HERC2: variants seen among roughly 807,000 people sequenced by gnomAD.
HERC2 encodes the protein HECT and RLD domain containing E3 ubiquitin protein ligase 2.
Under a neutral mutation model 537.7 loss-of-function variants are expected in HERC2, and 102 were observed. The observed-to-expected ratio is 0.19, with a 90% CI of 0.16 to 0.22. The LOEUF (loss-of-function observed/expected upper bound fraction) is 0.22. Among genes scored for constraint, HERC2 ranks in the 10% least tolerant of loss-of-function variants. The probability of loss-of-function intolerance (pLI) is 1.00; values close to 1 mark genes in which losing one functional copy is unlikely to be tolerated. For missense variants in HERC2, 4,236 were observed against 6,198.2 expected, an observed-to-expected ratio of 0.68 and a Z score of 10.63; for synonymous variants, 2,224 against 2,466.2, an observed-to-expected ratio of 0.90 and a Z score of 2.91.
chr15:28,268,755 C>T lies in HERC2; in HGVS notation c.1447-139G>A. 2 of 718,052 alleles carry T rather than the reference C, an allele frequency of 2.8e-6. No individual in the cohort carries two copies. The highest frequency in any genetic ancestry group is 2.7e-5 in the East Asian group (1 of 36,936). The allele number at this position is 718,052 out of a possible 1,614,324, so 44.5% of individuals were successfully genotyped here. On this transcript the variant is annotated intron_variant, in intron 11 of 92. Transcript: ENST00000261609. The surrounding 1 kb of genome is among the most constrained non-coding windows in gnomAD (Gnocchi z 4.7). ...GCATAAGTCTCTGGGAACTACGGGG[C>T]CGGCTCTCCAGCCCTTCCCACCCAG...
chr15:28,216,966 G>A lies in HERC2; in HGVS notation c.6029-1164C>T, dbSNP rs907205457. Among the ~76,000 whole-genome samples, 132 of 152,114 alleles carry A rather than the reference G, an allele frequency of 8.7e-4. 1 individual carries two copies. The highest frequency in any genetic ancestry group is 2.9e-3 in the African/African-American group (120 of 41,494). ...CTCACTTTGCACTCACACCTATACTGTTATAACCTCCCATTCACTGACACA... is the reference window on the plus strand; with the variant it reads ...CTCACTTTGCACTCACACCTATACTATTATAACCTCCCATTCACTGACACA... On this transcript the variant is annotated intron_variant, in intron 38 of 92. Coordinates refer to ENST00000261609, the MANE Select transcript of HERC2 (RefSeq NM_004667.6).
At chr15:28,133,785 C>G (rs771512646) in intron 79 of HERC2, among the ~76,000 whole-genome samples, 3 of 152,218 alleles carry the variant, frequency 2.0e-5, no homozygotes, top group Non-Finnish European at 4.4e-5. Context: ...TTTCCACACT[C>G]ATCTTGTCAG....
rs1241925238 is a variant in HERC2, at chr15:28,213,958, G to A, written c.6570C>T (p.Asp2190=). 1.2e-6 allele frequency: 2 copies of A among 1,613,924 alleles called. No homozygotes were observed. Among genetic ancestry groups the A allele is most frequent in the Admixed American group, 3.3e-5 (2 of 60,000 alleles). The change falls in exon 42 of 93, where the codon GAC becomes GAT. Residue 2190 remains aspartate (D), a synonymous_variant. Transcript: ENST00000261609. ...CAGGGTTCTCGGAGTCGGGGAAGTAGTCCTCTAACTGGGCCTAGTGCAGAC... is the reference window on the plus strand; with the variant it reads ...CAGGGTTCTCGGAGTCGGGGAAGTAATCCTCTAACTGGGCCTAGTGCAGAC... ...GRPSEGAQLE[D]YFPDSENPEV...
intron 83 of HERC2, among the ~76,000 whole-genome samples, chr15:28,129,780 C>T (rs1349076791): frequency 6.3e-5 from 9 of 143,530 alleles, no homozygotes; most frequent in Admixed American, 3.5e-4. Context: ...CCTCTGCCTC[C>T]TTTTTTTTTT....
At chr15:28,143,108 G>A (rs571508179) in intron 74 of HERC2, among the ~76,000 whole-genome samples, 156 bp from the exon 75 acceptor site, 2 of 151,702 alleles carry the variant, frequency 1.3e-5, no homozygotes, top group African/African-American at 4.8e-5. Flanking sequence ...TAGGAAAAAA[G>A]CTAAAAGAAC....
At chr15:28,314,547 T>C (rs1215246231) in intron 2 of HERC2, among the ~76,000 whole-genome samples, 1 of 151,754 alleles carries the variant, frequency 6.6e-6, no homozygotes, top group African/African-American at 2.4e-5. Context: ...TTTTCAATGG[T>C]TGCAACATAA....
In HERC2 at chr15:28,141,762, G is replaced by T. The variant is rs1366639261; in HGVS notation, c.11785C>A (p.Gln3929Lys). Residue 3929 changes from glutamine to lysine, a missense_variant, in exon 77 of 93, where the codon CAA becomes AAA. Gln to Lys is a moderately conservative substitution (Grantham distance 53). Coordinates refer to ENST00000261609, the MANE Select transcript of HERC2 (RefSeq NM_004667.6). ...ATCCACTGCACAAGTTGTTCGTCTT[G>T]CTCTCTTTTAAAAATGTCATGGCTC... Reference protein sequence around the residue: ...HESHDIFKREQDEQLVQWMNR... With the variant: ...HESHDIFKREKDEQLVQWMNR... 2.5e-6 allele frequency: 4 copies of T among 1,614,042 alleles called. No individual in the cohort carries two copies. The highest frequency in any genetic ancestry group is 3.4e-6 in the Non-Finnish European group (4 of 1,179,974).
intron 52 of HERC2, among the ~76,000 whole-genome samples, chr15:28,194,067 C>A (rs1456391568): frequency 6.7e-6 from 1 of 149,416 alleles, no homozygotes; most frequent in Non-Finnish European, 1.5e-5. Context: ...GATCCTTTGA[C>A]CTTTTTTTTT....
At chr15:28,182,550 G>A (rs758141150) in intron 56 of HERC2, 38 bp from the exon 57 acceptor site, 1 of 1,433,788 alleles carries the variant, frequency 7.0e-7, no homozygotes, top group South Asian at 1.2e-5. Flanking sequence ...AGAAAAGAGA[G>A]GTTATTCAGC....
At chr15:28,170,369 A>T (rs1894569585) in intron 65 of HERC2, among the ~76,000 whole-genome samples, 1 of 152,218 alleles carries the variant, frequency 6.6e-6, no homozygotes, top group African/African-American at 2.4e-5. Flanking sequence ...AACCACACAA[A>T]TATGCCTCAC....
At chr15:28,147,548 G>T (rs1270510595) in intron 70 of HERC2, among the ~76,000 whole-genome samples, 6 of 151,972 alleles carry the variant, frequency 3.9e-5, no homozygotes, top group African/African-American at 1.4e-4. Context: ...TAAGGAAGGG[G>T]GATCGCTTGA....
chr15:28,258,898 G>T (rs893633803), intron 16 of HERC2, among the ~76,000 whole-genome samples: 1 of 152,090 alleles, frequency 6.6e-6, no homozygotes, highest in African/African-American at 2.4e-5. Context: ...TGAATGAAGG[G>T]ACATCACCGC....
rs748118238 is a variant in HERC2 at position 28,176,808 on chromosome 15, C to G, written c.9433-40G>C. The G allele has an allele frequency of 1.9e-6, 3 of 1,599,992 alleles. No homozygotes were observed. The South Asian group carries it at 3.3e-5, about 18-fold the overall frequency. ...ATTTAAAAACAGAATCACGCACAGG[C>G]ACGGAGAAAGCAATGGATTTTCCCA... On this transcript the variant is annotated intron_variant, in intron 61 of 92. Transcript: ENST00000261609. The surrounding 1 kb of genome is among the most constrained non-coding windows in gnomAD (Gnocchi z 5.0).
chr15:28,261,090 C>T (rs2140928553), intron 15 of HERC2, 120 bp from the exon 16 acceptor site: 3 of 704,198 alleles, frequency 4.3e-6, no homozygotes, highest in Admixed American at 5.8e-5. Context: ...GGATAATCTG[C>T]TTTGCTTTAA....
chr15:28,196,781 A>G (rs1466547690), intron 50 of HERC2, among the ~76,000 whole-genome samples: 22 of 152,234 alleles, frequency 1.4e-4, no homozygotes, highest in Admixed American at 1.4e-3. Flanking sequence ...GGGAGCATGA[A>G]TAATTTTGGC....
At chr15:28,201,774 A>T (rs1897935917) in intron 47 of HERC2, among the ~76,000 whole-genome samples, 1 of 152,206 alleles carries the variant, frequency 6.6e-6, no homozygotes, top group South Asian at 2.1e-4. Flanking sequence ...GGCACTTCCA[A>T]ATTAATCCTA....
intron 4 of HERC2, among the ~76,000 whole-genome samples, chr15:28,281,891 C>A (rs1451144512): frequency 6.6e-6 from 1 of 152,034 alleles, no homozygotes; most frequent in East Asian, 1.9e-4. Context: ...AATAATACAT[C>A]TCCCTTCTGC....
rs2075243217 is a variant in HERC2, at chr15:28,255,884, A to G, written c.2859T>C (p.Thr953=). The change falls in exon 19 of 93, where the codon ACT becomes ACC. Residue 953 remains threonine (T), a synonymous_variant. Coordinates refer to ENST00000261609, the MANE Select transcript of HERC2 (RefSeq NM_004667.6). Reference sequence around the variant, plus strand: ...TCCAAAGCCATACCTGGATCTCTGCAGTAATGGCTGCGTGTAAGGCTGACT... The same window carrying G: ...TCCAAAGCCATACCTGGATCTCTGCGGTAATGGCTGCGTGTAAGGCTGACT... The part of the protein sequence containing the change: ...GLESALHAAI[T]AEIQDIEAKK... 6.2e-7 allele frequency: 1 copy of G among 1,600,060 alleles called. No individual in the cohort carries two copies. Among genetic ancestry groups the G allele is most frequent in the East Asian group, 2.2e-5 (1 of 44,890 alleles).
In HERC2 at chr15:28,186,606, CTCT is replaced by C. The variant is rs1268679990; in HGVS notation, c.8793_8795del (p.Glu2934del). The C allele has an allele frequency of 1.1e-5, 18 of 1,613,958 alleles. No homozygotes were observed. The highest frequency in any genetic ancestry group is 1.5e-5 in the Non-Finnish European group (18 of 1,179,992). ...CGCTGTTGCCTTTCTCATCCTCCTC[CTCT>C]TCATTATCCGAAGCTAAGAAAGGAA... On this transcript the variant is annotated inframe_deletion, in exon 56 of 93. Coordinates refer to ENST00000261609, the MANE Select transcript of HERC2 (RefSeq NM_004667.6).
Sources: gnomAD v4.1 joint callset for allele counts (sites outside exome capture counted in the v4.1 genomes callset) on GRCh38, gnomAD v4.1.1 for gene constraint, Gnocchi (gnomAD v3.1) non-coding constraint, MANE v1.5 for transcripts, NCBI Gene and HGNC (gene_info 2026-07-23, HGNC 2026-07-21) for gene names.